The following AS3MT variants were observed in gnomAD, a reference collection of about 807,000 sequenced individuals.
AS3MT encodes the protein arsenite methyltransferase, also known as S-adenosyl-L-methionine:arsenic(III) methyltransferase.
A neutral mutation model predicts 45.3 loss-of-function variants in AS3MT; 47 were observed. The observed-to-expected ratio is 1.04, with a 90% CI of 0.82 to 1.32. AS3MT has a LOEUF of 1.32. Among genes scored for constraint, AS3MT ranks in the 40% most tolerant of loss-of-function variants. The pLI is 0.00. For missense variants in AS3MT, 396 were observed against 451.1 expected, an observed-to-expected ratio of 0.88 and a Z score of 1.11; for synonymous variants, 141 against 152.8, an observed-to-expected ratio of 0.92 and a Z score of 0.57.
At chr10:102,878,611 C>A (rs1280093390) in intron 8 of AS3MT, 101 bp downstream of exon 8, 1 of 1,470,830 alleles carries the variant, frequency 6.8e-7, no homozygotes, top group Non-Finnish European at 9.2e-7. Flanking sequence ...TTGAGGGATA[C>A]TTTCTGTTAT....
chr10:102,889,675 C>CCG, intron 9 of AS3MT, among the ~76,000 whole-genome samples: 1 of 142,466 alleles, frequency 7.0e-6, no homozygotes, highest in African/African-American at 2.7e-5. Flanking sequence ...CTTCCTCCCT[C>CCG]CACCCCCCCC....
chr10:102,875,904 G>A (rs892823761), intron 6 of AS3MT, among the ~76,000 whole-genome samples: 8 of 152,064 alleles, frequency 5.3e-5, no homozygotes, highest in East Asian at 3.9e-4. Context: ...GGCATGAGCC[G>A]CTGTGCCTGG....
intron 3 of AS3MT, 77 bp from the exon 4 acceptor site, chr10:102,872,371 A>AGG: frequency 6.9e-7 from 1 of 1,449,632 alleles, no homozygotes; most frequent in Non-Finnish European, 9.5e-7. Context: ...GGGAGGGAGG[A>AGG]GGGAAGTATG....
Position 102,869,803 on chromosome 10 carries a change from A to C in AS3MT, c.2-2A>C. ...TTCAACTAACTTTCCCGCTCCCGAC[A>C]GTGGCTGCACTTCGTGACGCTGAGA... On this transcript the variant is annotated splice_acceptor_variant, in intron 1 of 10. Coordinates refer to ENST00000369880, the MANE Select transcript of AS3MT (RefSeq NM_020682.4). LOFTEE classifies it high-confidence loss of function. The C allele has an allele frequency of 6.2e-7, 1 of 1,614,092 alleles. No homozygotes were observed. Among genetic ancestry groups the C allele is most frequent in the Non-Finnish European group, 8.5e-7 (1 of 1,180,038 alleles).
rs369401059 is a variant in AS3MT at position 102,870,163 on chromosome 10, A to G, written c.122A>G (p.Lys41Arg). Reference sequence around the variant, plus strand: ...GTCACCACAGCCAGGCCGGTCCCCAAGCACATCCGGGAAGCCTTGCAAAAT... The same window carrying G: ...GTCACCACAGCCAGGCCGGTCCCCAGGCACATCCGGGAAGCCTTGCAAAAT... ...GCVTTARPVP[K>R]HIREALQNVH... Residue 41 changes from lysine (K) to arginine (R), a missense_variant, in exon 3 of 11, where the codon AAG becomes AGG. Physicochemically the swap from Lys to Arg is conservative, Grantham distance 26. Transcript: ENST00000369880. 278 of 1,614,182 alleles carry G rather than the reference A, an allele frequency of 1.7e-4. 2 individuals carry two copies. The South Asian group carries it at 2.5e-3, about 15-fold the overall frequency.
chr10:102,897,604 TACA>T (rs2134134624), intron 10 of AS3MT, among the ~76,000 whole-genome samples: 2 of 151,642 alleles, frequency 1.3e-5, no homozygotes, highest in Admixed American at 6.6e-5. Context: ...TAGCTGGGAC[TACA>T]GGCACACGCC....
chr10:102,872,604 G>T lies in AS3MT; in HGVS notation c.321+6G>T, dbSNP rs750890056. ...TAGACATGACCAAAGGCCAGGTGAG[G>T]CATGATTTGGAAGACAAGGAGAAAA... is the stretch of plus-strand genomic sequence containing the variant. On this transcript the variant is annotated splice_donor_region_variant and intron_variant, in intron 4 of 10. Coordinates refer to ENST00000369880, the MANE Select transcript of AS3MT (RefSeq NM_020682.4). 63 of 1,584,058 alleles carry T rather than the reference G, an allele frequency of 4.0e-5. No individual in the cohort carries two copies. Among genetic ancestry groups the T allele is most frequent in the Non-Finnish European group, 1.2e-5 (14 of 1,169,502 alleles).
chr10:102,874,624 A>T lies in AS3MT; in HGVS notation c.491A>T (p.Lys164Ile). ...SNCVINLVPD[K>I]QQVLQEAYRV... ...TGTGTTATTAACCTTGTGCCTGATAAACAACAAGTGCTTCAGGAGGCATAT... is the reference window on the plus strand; with the variant it reads ...TGTGTTATTAACCTTGTGCCTGATATACAACAAGTGCTTCAGGAGGCATAT... Residue 164 changes from lysine to isoleucine, a missense_variant, in exon 6 of 11, where the codon AAA (lysine) becomes ATA (isoleucine). Transcript: ENST00000369880. 6.2e-7 allele frequency: 1 copy of T among 1,610,264 alleles called. No homozygotes were observed. Among genetic ancestry groups the T allele is most frequent in the Non-Finnish European group, 8.5e-7 (1 of 1,177,734 alleles).
In AS3MT at chr10:102,900,799, T is replaced by G; in HGVS notation, c.*99T>G. The G allele has an allele frequency of 1.1e-6, 1 of 943,034 alleles. No individual in the cohort carries two copies. Among genetic ancestry groups the G allele is most frequent in the South Asian group, 1.4e-5 (1 of 70,926 alleles). 58.4% of individuals were successfully genotyped at this position (943,034 alleles called of 1,614,324 possible). ...AGCACAGACCATAAGAAACAACAAATGGGGCCGGGCACAGTGGCTCATGCC... is the reference window on the plus strand; with the variant it reads ...AGCACAGACCATAAGAAACAACAAAGGGGGCCGGGCACAGTGGCTCATGCC... On this transcript the variant is annotated 3_prime_UTR_variant, in exon 11 of 11. Transcript: ENST00000369880.
intron 6 of AS3MT, among the ~76,000 whole-genome samples, chr10:102,876,303 C>T (rs1844783450): frequency 6.9e-6 from 1 of 144,306 alleles, no homozygotes; most frequent in African/African-American, 2.6e-5. Flanking sequence ...GGCTGGAATG[C>T]AGTGTCACTA....
Position 102,890,678 on chromosome 10 carries a change from GGTTA to G in AS3MT, c.1020+4_1020+7del, listed in dbSNP as rs781652184. 2.5e-6 allele frequency: 4 copies of G among 1,604,198 alleles called. No individual in the cohort carries two copies. Among genetic ancestry groups the G allele is most frequent in the African/African-American group, 2.7e-5 (2 of 74,218 alleles). On this transcript the variant is annotated splice_donor_variant and splice_donor_region_variant and intron_variant, in intron 10 of 10. Coordinates refer to ENST00000369880, the MANE Select transcript of AS3MT (RefSeq NM_020682.4). LOFTEE classifies it high-confidence loss of function. Reference sequence around the variant, plus strand: ...GAGGCTGTTCTGCTTTGGAGTTAAAGGTTAGTTTGGCTTTCACTACCTGAGAGAA... The same window carrying G: ...GAGGCTGTTCTGCTTTGGAGTTAAAGGTTTGGCTTTCACTACCTGAGAGAA...
At chr10:102,876,627 C>G (rs1210516119) in intron 6 of AS3MT, among the ~76,000 whole-genome samples, 1 of 152,072 alleles carries the variant, frequency 6.6e-6, no homozygotes, top group Non-Finnish European at 1.5e-5. Flanking sequence ...TGATGATATC[C>G]TCTGTTCTAC....
In AS3MT at chr10:102,881,369, T is replaced by A. The variant is rs1420220611; in HGVS notation, c.885+2378T>A. 6.6e-6 allele frequency among the ~76,000 whole-genome samples: 1 copy of A among 152,244 alleles called. No individual in the cohort carries two copies. Among genetic ancestry groups the A allele is most frequent in the Non-Finnish European group, 1.5e-5 (1 of 68,050 alleles). On this transcript the variant is annotated intron_variant, in intron 9 of 10. Transcript: ENST00000369880. This position sits in a 1 kb window ranked among gnomAD's most constrained non-coding sequence, Gnocchi z 4.2. ...GATTACTGAATCCAGAACAAAATTA[T>A]GCTAAATCTCTCTGGTAATTAACTA...
Position 102,881,284 on chromosome 10 carries a change from T to A in AS3MT, c.885+2293T>A, listed in dbSNP as rs1345289597. ...TCAAAGTTTATAGAACACTACTTAA[T>A]GGAAACTAGTGGAAATGGCTGCTAA... On this transcript the variant is annotated intron_variant, in intron 9 of 10. Transcript: ENST00000369880. The surrounding 1 kb of genome is among the most constrained non-coding windows in gnomAD (Gnocchi z 4.2). Among the ~76,000 whole-genome samples the A allele has an allele frequency of 1.3e-5, 2 of 152,142 alleles. No individual in the cohort carries two copies. Among genetic ancestry groups the A allele is most frequent in the African/African-American group, 2.4e-5 (1 of 41,442 alleles).
rs532796033 is a variant in AS3MT, at chr10:102,869,569, C to A, written c.-24C>A. The A allele has an allele frequency of 6.7e-7, 1 of 1,493,382 alleles. No homozygotes were observed. The highest frequency in any genetic ancestry group is 1.2e-5 in the South Asian group (1 of 82,662). The allele number at this position is 1,493,382 out of a possible 1,614,324, so 92.5% of individuals were successfully genotyped here. A position where few individuals can be genotyped will look rare whatever the true frequency, so the allele number is the denominator to read the frequency against. On this transcript the variant is annotated 5_prime_UTR_variant, in exon 1 of 11. Transcript: ENST00000369880. Reference sequence around the variant, plus strand: ...AGGCCGAGGAGACAGTGAGTGCGCGCCCTGAGTCGCAGGCCGAGGAGACAG... The same window carrying A: ...AGGCCGAGGAGACAGTGAGTGCGCGACCTGAGTCGCAGGCCGAGGAGACAG...
chr10:102,898,877 T>C (rs1462046305), intron 10 of AS3MT, among the ~76,000 whole-genome samples: 1 of 152,222 alleles, frequency 6.6e-6, no homozygotes, highest in African/African-American at 2.4e-5. Context: ...CACCCACATC[T>C]GATTCTGGAG....
rs747548218 is a variant in AS3MT, at chr10:102,878,997, T to C, written c.885+6T>C. ...ATGCCAATTTTACATTTAAGGTAAA[T>C]AAAACAATTTCCATGACTTCTGGTA... On this transcript the variant is annotated splice_donor_region_variant and intron_variant, in intron 9 of 10. Transcript: ENST00000369880. The C allele has an allele frequency of 5.6e-6, 9 of 1,609,058 alleles. No individual in the cohort carries two copies. The East Asian group carries it at 1.6e-4, about 28-fold the overall frequency.
At chr10:102,872,765 C>A (rs1844714260) in intron 4 of AS3MT, among the ~76,000 whole-genome samples, 167 bp downstream of exon 4, 1 of 152,180 alleles carries the variant, frequency 6.6e-6, no homozygotes, top group African/African-American at 2.4e-5. Context: ...ATAACTTGAA[C>A]AATTAGGGGT....
In AS3MT at chr10:102,900,625, A is replaced by G; in HGVS notation, c.1053A>G (p.Glu351=). The change falls in exon 11 of 11, where the codon GAA becomes GAG. Residue 351 remains glutamate, a synonymous_variant. Transcript: ENST00000369880. ...TCACAGATCCATTTAAGCTTGCAGAAGAGTCTGACAGTATGAAGTCCAGAT... is the reference window on the plus strand; with the variant it reads ...TCACAGATCCATTTAAGCTTGCAGAGGAGTCTGACAGTATGAAGTCCAGAT... ...DIITDPFKLA[E]ESDSMKSRCV... 1 of 1,614,136 alleles carries G rather than the reference A, an allele frequency of 6.2e-7. No individual in the cohort carries two copies. The highest frequency in any genetic ancestry group is 8.5e-7 in the Non-Finnish European group (1 of 1,179,958).
Sources: allele counts gnomAD v4.1 joint callset (sites outside exome capture counted in the v4.1 genomes callset), GRCh38; gene constraint gnomAD v4.1.1; non-coding constraint Gnocchi (gnomAD v3.1); transcripts MANE v1.5; gene names NCBI Gene and HGNC (gene_info 2026-07-23, HGNC 2026-07-21).